The following KAZN variants were observed in gnomAD, a reference collection of about 807,000 sequenced individuals.
The protein encoded by KAZN is kazrin.
In KAZN, 40 loss-of-function variants were observed where a neutral mutation model predicts 87.4. That is an observed-to-expected ratio of 0.46 (90% CI 0.36 to 0.60). The LOEUF (loss-of-function observed/expected upper bound fraction) is 0.60, where lower values mean the gene tolerates loss of function less well. KAZN is among the 20% of genes least tolerant of loss of function. The pLI, the probability that KAZN is intolerant of heterozygous loss-of-function variation, is 0.00. For missense variants in KAZN, 898 were observed against 1,073.9 expected, an observed-to-expected ratio of 0.84 and a Z score of 2.29; for synonymous variants, 466 against 458.3, an observed-to-expected ratio of 1.02 and a Z score of -0.22.
chr1:14,420,768 G>C (rs1388686742), intron 2 of KAZN, among the ~76,000 whole-genome samples: 2 of 152,100 alleles, frequency 1.3e-5, no homozygotes, highest in Non-Finnish European at 2.9e-5. Context: ...TCACTGCCCG[G>C]GGCCGGCGGC....
intron 2 of KAZN, among the ~76,000 whole-genome samples, chr1:14,320,518 C>G (rs1034604500): frequency 6.6e-6 from 1 of 152,082 alleles, no homozygotes; most frequent in Non-Finnish European, 1.5e-5. Flanking sequence ...TGCAACCCCC[C>G]ATTGCTCCAT....
intron 2 of KAZN, among the ~76,000 whole-genome samples, chr1:14,964,194 G>T (rs972316906): frequency 1.2e-4 from 19 of 152,138 alleles, no homozygotes; most frequent in African/African-American, 3.9e-4. Context: ...CTAGAGCTTG[G>T]ATACATTCTT....
At chr1:14,228,344 G>T (rs1158653838) in intron 2 of KAZN, among the ~76,000 whole-genome samples, 1 of 152,178 alleles carries the variant, frequency 6.6e-6, no homozygotes, top group African/African-American at 2.4e-5. Context: ...CTGAGGCTTA[G>T]AAAGCTTAAA....
At chr1:14,102,343 G>A (rs375534564) in intron 1 of KAZN, among the ~76,000 whole-genome samples, 3 of 152,094 alleles carry the variant, frequency 2.0e-5, no homozygotes, top group African/African-American at 4.8e-5. Flanking sequence ...GTTCCCGCTC[G>A]CTGAGCACCT....
intron 2 of KAZN, among the ~76,000 whole-genome samples, chr1:14,503,033 C>A (rs1670348314): frequency 6.6e-6 from 1 of 151,992 alleles, no homozygotes; most frequent in Non-Finnish European, 1.5e-5. Flanking sequence ...AATGAATGAA[C>A]CTCTAATGCA....
intron 2 of KAZN, among the ~76,000 whole-genome samples, chr1:14,971,675 CT>C (rs1240501761): frequency 4.1e-5 from 5 of 121,874 alleles, no homozygotes; most frequent in Non-Finnish European, 8.5e-5. Flanking sequence ...TTTTTTTTTT[CT>C]TTTTCTTTTT....
chr1:14,844,818 G>C (rs929547093), intron 1 of KAZN, among the ~76,000 whole-genome samples: 2 of 149,166 alleles, frequency 1.3e-5, no homozygotes, highest in East Asian at 2.0e-4. Flanking sequence ...TGGTTGGTTT[G>C]TGGGTTGGGT....
At chr1:14,416,782 A>G (rs1664800170) in intron 2 of KAZN, among the ~76,000 whole-genome samples, 1 of 151,912 alleles carries the variant, frequency 6.6e-6, no homozygotes, top group Non-Finnish European at 1.5e-5. Context: ...TATTATATAT[A>G]AGCAAAAAGG....
At chr1:14,644,462 C>T (rs971055469) in intron 1 of KAZN, among the ~76,000 whole-genome samples, 4 of 150,952 alleles carry the variant, frequency 2.6e-5, no homozygotes, top group Admixed American at 6.6e-5. Context: ...ACCAGGTTCA[C>T]GCCATGCTCC....
At chr1:14,833,368 C>T (rs1647108403) in intron 1 of KAZN, among the ~76,000 whole-genome samples, 1 of 152,156 alleles carries the variant, frequency 6.6e-6, no homozygotes, top group African/African-American at 2.4e-5. Flanking sequence ...TGCAGGAGGG[C>T]ATCCCTGGGA....
At chr1:14,062,308 C>T (rs1440714829) in intron 1 of KAZN, among the ~76,000 whole-genome samples, 1 of 152,076 alleles carries the variant, frequency 6.6e-6, no homozygotes, top group Non-Finnish European at 1.5e-5. Context: ...ATGGCCTGTC[C>T]TTCAGTTATT....
intron 1 of KAZN, among the ~76,000 whole-genome samples, chr1:14,643,773 C>T (rs1014680273): frequency 1.3e-5 from 2 of 152,210 alleles, no homozygotes; most frequent in African/African-American, 4.8e-5. Context: ...ACTAATTTTA[C>T]ACTCTCAACA....
chr1:14,392,910 G>T (rs566466010), intron 2 of KAZN, among the ~76,000 whole-genome samples: 29 of 152,178 alleles, frequency 1.9e-4, no homozygotes, highest in African/African-American at 6.5e-4. Flanking sequence ...TTCTAGTTGG[G>T]GTCTTCTGGT....
intron 1 of KAZN, among the ~76,000 whole-genome samples, chr1:14,066,361 T>C (rs1212815380): frequency 1.3e-5 from 2 of 152,128 alleles, no homozygotes; most frequent in Non-Finnish European, 2.9e-5. Flanking sequence ...GATCGAACGG[T>C]AGATCTACCT....
chr1:15,018,949 A>C lies in KAZN; in HGVS notation c.419-15800A>C, dbSNP rs74060156. Among the ~76,000 whole-genome samples, 386 of 152,282 alleles carry C rather than the reference A, an allele frequency of 2.5e-3. 3 individuals are homozygous for C. The highest frequency in any genetic ancestry group is 9.0e-3 in the African/African-American group (374 of 41,556). On this transcript the variant is annotated intron_variant, in intron 2 of 14. Transcript: ENST00000376030. ...GGTTGTTATTGTGCCCATTTCACAG[A>C]GTTAAACACTGAGGCCCTGAGAAGT...
chr1:14,474,502 G>A (rs1668616488), intron 2 of KAZN, among the ~76,000 whole-genome samples: 1 of 152,190 alleles, frequency 6.6e-6, no homozygotes. Context: ...AACGTACTTG[G>A]CTTATTTGAG....
intron 1 of KAZN, among the ~76,000 whole-genome samples, chr1:14,691,090 C>G (rs889868468): frequency 3.9e-5 from 6 of 152,150 alleles, no homozygotes; most frequent in African/African-American, 1.4e-4. Context: ...ACTCTGCTGA[C>G]TAAACAAGCG....
At chr1:15,068,723 A>G (rs1425445256) in intron 8 of KAZN, among the ~76,000 whole-genome samples, 4 of 151,918 alleles carry the variant, frequency 2.6e-5, no homozygotes, top group South Asian at 4.2e-4. Flanking sequence ...ACTCCACTGT[A>G]TGTCCCGAGA....
chr1:14,441,326 T>C (rs1476492748), intron 2 of KAZN, among the ~76,000 whole-genome samples: 3 of 152,130 alleles, frequency 2.0e-5, no homozygotes, highest in Non-Finnish European at 2.9e-5. Context: ...CCATTAGCAT[T>C]ATCTGGAACT....
Sources: gnomAD v4.1 joint callset for allele counts (sites outside exome capture counted in the v4.1 genomes callset) on GRCh38, gnomAD v4.1.1 for gene constraint, MANE v1.5 for transcripts, NCBI Gene and HGNC (gene_info 2026-07-23, HGNC 2026-07-21) for gene names.